GALNT7: variants seen among roughly 807,000 people sequenced by gnomAD.
GALNT7 encodes N-acetylgalactosaminyltransferase 7.
In GALNT7, 60 loss-of-function variants were observed where a neutral mutation model predicts 82.1. The ratio of observed to expected loss-of-function variants is 0.73; its 90% confidence interval spans 0.59 to 0.91. GALNT7 has a LOEUF of 0.91. Ranked by LOEUF, GALNT7 falls within the 40% of genes least tolerant of loss-of-function variation. The pLI is 0.00. For synonymous variants in GALNT7, 243 were observed against 275.1 expected, an observed-to-expected ratio of 0.88 and a Z score of 1.15; for missense variants, 660 against 804.2, an observed-to-expected ratio of 0.82 and a Z score of 2.17.
intron 5 of GALNT7, among the ~76,000 whole-genome samples, chr4:173,297,543 C>CT (rs1736760963): frequency 6.6e-6 from 1 of 152,184 alleles, no homozygotes; most frequent in African/African-American, 2.4e-5. Context: ...GGAGAAAACT[C>CT]TATTAAGCTC....
chr4:173,317,841 G>A (rs1737665280), intron 10 of GALNT7, 109 bp downstream of exon 10: 2 of 695,766 alleles, frequency 2.9e-6, no homozygotes, highest in South Asian at 1.7e-5. Flanking sequence ...AATTTTGTTT[G>A]TTTTGATAAA....
chr4:173,202,461 G>C (rs1732971103), intron 1 of GALNT7, among the ~76,000 whole-genome samples: 1 of 152,188 alleles, frequency 6.6e-6, no homozygotes, highest in African/African-American at 2.4e-5. Flanking sequence ...AAATGGGGAG[G>C]AGGAGGAGGG....
At chr4:173,195,370 G>T (rs1396280931) in intron 1 of GALNT7, among the ~76,000 whole-genome samples, 6 of 152,140 alleles carry the variant, frequency 3.9e-5, no homozygotes, top group Non-Finnish European at 7.4e-5. Flanking sequence ...ACTTTGAAGT[G>T]CAATTCACGT....
intron 2 of GALNT7, among the ~76,000 whole-genome samples, chr4:173,250,349 A>G (rs1734803125): frequency 6.6e-6 from 1 of 152,224 alleles, no homozygotes; most frequent in Non-Finnish European, 1.5e-5. Flanking sequence ...ATATAAATAT[A>G]GCTAACTTTT....
chr4:173,207,567 C>T (rs565640980), intron 1 of GALNT7, among the ~76,000 whole-genome samples: 3 of 152,298 alleles, frequency 2.0e-5, no homozygotes, highest in African/African-American at 7.2e-5. Flanking sequence ...TTTCTCACCT[C>T]TCTGATGTTG....
intron 1 of GALNT7, among the ~76,000 whole-genome samples, chr4:173,239,808 A>G (rs1561168496): frequency 1.3e-5 from 2 of 152,220 alleles, no homozygotes; most frequent in East Asian, 1.9e-4. Context: ...GTAATTTACC[A>G]TGATGCCTTT....
At chr4:173,226,818 AT>A in intron 1 of GALNT7, among the ~76,000 whole-genome samples, 1 of 152,332 alleles carries the variant, frequency 6.6e-6, no homozygotes, top group African/African-American at 2.4e-5. Flanking sequence ...AGGTGAGGCT[AT>A]GTTACAAATG....
chr4:173,206,251 C>G (rs1484552756), intron 1 of GALNT7, among the ~76,000 whole-genome samples: 2 of 152,188 alleles, frequency 1.3e-5, no homozygotes, highest in Non-Finnish European at 2.9e-5. Context: ...TTGCTTTAAG[C>G]TGTGCTGCCT....
At chr4:173,317,753 G>T (rs1490623564) in intron 10 of GALNT7, 21 bp downstream of exon 10, 1 of 1,457,248 alleles carries the variant, frequency 6.9e-7, no homozygotes, top group South Asian at 1.1e-5. Flanking sequence ...TTACTTTTGT[G>T]TTTAAGTTGT....
chr4:173,262,355 T>C (rs1447726219), intron 2 of GALNT7, among the ~76,000 whole-genome samples: 1 of 152,236 alleles, frequency 6.6e-6, no homozygotes, highest in Admixed American at 6.5e-5. Context: ...CATTGTATGA[T>C]GCTGTAATAT....
chr4:173,186,711 T>G (rs1162042548), intron 1 of GALNT7, among the ~76,000 whole-genome samples: 1 of 152,190 alleles, frequency 6.6e-6, no homozygotes, highest in Non-Finnish European at 1.5e-5. Context: ...GACTTTTGCC[T>G]TAAAAGTTAT....
intron 5 of GALNT7, among the ~76,000 whole-genome samples, chr4:173,297,248 TG>T (rs199651887): frequency 0.036 from 5,413 of 151,048 alleles, 339 homozygotes; most frequent in African/African-American, 0.12. Flanking sequence ...CTTTTTTTTT[TG>T]TTTGTTTTGC....
intron 2 of GALNT7, among the ~76,000 whole-genome samples, chr4:173,261,036 T>A (rs1314416783): frequency 6.6e-6 from 1 of 152,210 alleles, no homozygotes. Flanking sequence ...AGCGCTTCTG[T>A]CCCACATCAT....
At chr4:173,192,384 T>TA (rs541517604) in intron 1 of GALNT7, among the ~76,000 whole-genome samples, 25 of 151,534 alleles carry the variant, frequency 1.6e-4, no homozygotes, top group Admixed American at 3.9e-4. Flanking sequence ...CAAGTTCCTT[T>TA]AAAAAAAAAT....
At chr4:173,311,274 A>G (rs1382943360) in intron 8 of GALNT7, among the ~76,000 whole-genome samples, 1 of 152,026 alleles carries the variant, frequency 6.6e-6, no homozygotes, top group Non-Finnish European at 1.5e-5. Context: ...TGTATACATA[A>G]CTCTTCAGGT....
At chr4:173,216,698 GTACTATTCATATATATATATA>G (rs1733473684) in intron 1 of GALNT7, among the ~76,000 whole-genome samples, 1 of 86,506 alleles carries the variant, frequency 1.2e-5, no homozygotes, top group East Asian at 3.2e-4. Context: ...GGTTTCTTGT[GTACTATTCATATATATATATA>G]TATATATATT....
chr4:173,172,199 A>G (rs892211554), intron 1 of GALNT7, among the ~76,000 whole-genome samples: 2 of 152,240 alleles, frequency 1.3e-5, no homozygotes, highest in African/African-American at 4.8e-5. Context: ...ATACATTGGC[A>G]TGATTCCAGG....
At chr4:173,243,863 G>A (rs564131413) in intron 1 of GALNT7, among the ~76,000 whole-genome samples, 1 of 152,202 alleles carries the variant, frequency 6.6e-6, no homozygotes, top group East Asian at 1.9e-4. Flanking sequence ...CTCCCATTTT[G>A]TATTTTCCAT....
In GALNT7 at chr4:173,322,894, C is replaced by T. The variant is rs1412535989; in HGVS notation, c.*1177C>T. 1 of 152,130 alleles carries T rather than the reference C, an allele frequency of 6.6e-6. No homozygotes were observed. Among genetic ancestry groups the T allele is most frequent in the Non-Finnish European group, 1.5e-5 (1 of 67,994 alleles). 9.4% of individuals were successfully genotyped at this position (152,130 alleles called of 1,614,324 possible). ...ACTATTTAAAAATACAGTTTATTAA[C>T]AAACGTGAACTACTTTCTGTTACAT... On this transcript the variant is annotated 3_prime_UTR_variant, in exon 12 of 12. Coordinates refer to ENST00000265000, the MANE Select transcript of GALNT7 (RefSeq NM_017423.3).
Sources: allele counts gnomAD v4.1 joint callset (sites outside exome capture counted in the v4.1 genomes callset), GRCh38; gene constraint gnomAD v4.1.1; transcripts MANE v1.5; gene names NCBI Gene and HGNC (gene_info 2026-07-23, HGNC 2026-07-21).